Variants in KRT33B observed in about 807,000 individuals in gnomAD.
KRT33B encodes keratin 33B.
Under a neutral mutation model 42.7 loss-of-function variants are expected in KRT33B, and 37 were observed. The ratio of observed to expected loss-of-function variants is 0.87; its 90% CI spans 0.67 to 1.14. The LOEUF is 1.14. Among genes scored for constraint, KRT33B ranks in the 50% most tolerant of loss-of-function variants. KRT33B has a pLI of 0.00. For missense variants in KRT33B, 523 were observed against 515.1 expected, an observed-to-expected ratio of 1.02 and a Z score of -0.15; for synonymous variants, 237 against 221.2, an observed-to-expected ratio of 1.07 and a Z score of -0.63.
rs12450621 is a variant in KRT33B at position 41,369,498 on chromosome 17, C to T, written c.253G>A (p.Glu85Lys). The change falls in exon 1 of 7, where the codon GAG becomes AAG. Residue 85 changes from glutamate to lysine, a missense_variant. Coordinates refer to ENST00000251646, the MANE Select transcript of KRT33B (RefSeq NM_002279.5). The part of the protein sequence containing the change: ...RQLERDNAEL[E>K]NLIRERSQQQ... The stretch of plus-strand genomic sequence containing the variant: ...TGAGACCGCTCCCGGATGAGGTTCT[C>T]CAGCTCCGCGTTGTCCCGCTCCAGC... The T allele has an allele frequency of 0.054, 87,416 of 1,613,920 alleles. 2,657 individuals are homozygous for T. Among genetic ancestry groups the T allele is most frequent in the Middle Eastern group, 0.11 (680 of 6,054 alleles).
At position 41,369,553 on chromosome 17, in the gene KRT33B, G is replaced by A; in HGVS notation, c.198C>T (p.Arg66=). Residue 66 remains arginine, a synonymous_variant, in exon 1 of 7, where the codon CGC becomes CGT. Transcript: ENST00000251646. ...GCACCTTCTCCAGGTAGCTGGCCAG[G>A]CGGTCGTTCAGGAACTGCATAGTCT... The part of the protein sequence containing the change: ...EKETMQFLND[R]LASYLEKVRQ... 3.1e-6 allele frequency: 5 copies of A among 1,613,988 alleles called. No individual in the cohort carries two copies. The highest frequency in any genetic ancestry group is 1.1e-5 in the South Asian group (1 of 91,078).
At chr17:41,364,381 C>T (rs559819987) in intron 6 of KRT33B, among the ~76,000 whole-genome samples, 2 of 151,462 alleles carry the variant, frequency 1.3e-5, no homozygotes, top group South Asian at 4.1e-4. Flanking sequence ...ATAATGATTC[C>T]CACTCTGCCT....
intron 5 of KRT33B, 27 bp from the exon 6 acceptor site, chr17:41,365,026 A>G: frequency 6.2e-7 from 1 of 1,612,976 alleles, no homozygotes; most frequent in South Asian, 1.1e-5. Flanking sequence ...CAGGAATGTC[A>G]GAGAGCTGCT....
intron 2 of KRT33B, among the ~76,000 whole-genome samples, chr17:41,366,902 G>A (rs965502601): frequency 1.3e-5 from 2 of 151,286 alleles, no homozygotes; most frequent in East Asian, 3.8e-4. Flanking sequence ...ACTAAGCCCT[G>A]CTGCTTTTGC....
Position 41,366,471 on chromosome 17 carries a change from T to G in KRT33B, c.587A>C (p.Gln196Pro). ...ELLSLKQNHE[Q>P]EVNTLRCQLG... ...GATATTGGGGGCTGGGACTCTTACC[T>G]GCTCATGGTTCTGCTTGAGGGACAG... Residue 196 changes from glutamine (Q) to proline (P), a missense_variant and splice_region_variant, in exon 3 of 7, where the codon CAG becomes CCG. Coordinates refer to ENST00000251646, the MANE Select transcript of KRT33B (RefSeq NM_002279.5). The G allele has an allele frequency of 6.2e-7, 1 of 1,612,306 alleles. No homozygotes were observed. Among genetic ancestry groups the G allele is most frequent in the Non-Finnish European group, 8.5e-7 (1 of 1,180,022 alleles).
chr17:41,368,262 C>A (rs2017726540), intron 1 of KRT33B, among the ~76,000 whole-genome samples: 1 of 151,346 alleles, frequency 6.6e-6, no homozygotes, highest in Non-Finnish European at 1.5e-5. Flanking sequence ...GTTGGGTGAC[C>A]AACCATCCCA....
rs2017672604 is a variant in KRT33B at position 41,364,798 on chromosome 17, G to C, written c.1078C>G (p.Leu360Val). ...ECEINTYRSL[L>V]ESEDCKLPSN... ...ACTCACTTGCAGTCCTCGCTCTCCA[G>C]CAGGCTCCGGTATGTGTTGATCTCA... The change falls in exon 6 of 7, where the codon CTG becomes GTG. Residue 360 changes from leucine to valine, a missense_variant. Coordinates refer to ENST00000251646, the MANE Select transcript of KRT33B (RefSeq NM_002279.5). The C allele has an allele frequency of 6.2e-7, 1 of 1,612,692 alleles. No homozygotes were observed.
intron 1 of KRT33B, among the ~76,000 whole-genome samples, chr17:41,369,202 C>T (rs969992811): frequency 1.3e-5 from 2 of 151,348 alleles, no homozygotes; most frequent in Non-Finnish European, 2.9e-5. Context: ...TAATGCTTCA[C>T]TCTAACACCA....
intron 6 of KRT33B, 37 bp from the exon 7 acceptor site, chr17:41,363,990 G>C (rs772945985): frequency 7.0e-7 from 1 of 1,420,048 alleles, no homozygotes; most frequent in East Asian, 2.3e-5. Flanking sequence ...AGCATGAGAA[G>C]GGTGATTCAA....
At position 41,365,158 on chromosome 17, in the gene KRT33B, G is replaced by A. The variant is rs754832278; in HGVS notation, c.876+17C>T. ...CCAAGTTCCCATCGCTCACCAGCAG[G>A]TCTGAACAATACACACCAGGTTGTG... is the stretch of plus-strand genomic sequence containing the variant. On this transcript the variant is annotated intron_variant, in intron 5 of 6. Transcript: ENST00000251646. 11 of 1,611,496 alleles carry A rather than the reference G, an allele frequency of 6.8e-6. No individual in the cohort carries two copies. The highest frequency in any genetic ancestry group is 8.5e-6 in the Non-Finnish European group (10 of 1,179,896).
intron 2 of KRT33B, among the ~76,000 whole-genome samples, chr17:41,367,622 T>C (rs1170735893): frequency 6.6e-6 from 1 of 151,126 alleles, no homozygotes; most frequent in Non-Finnish European, 1.5e-5. Context: ...GAAAATCACT[T>C]GAATCCGGGA....
rs183691290 is a variant in KRT33B at position 41,367,575 on chromosome 17, A to G, written c.431+333T>C. 2.0e-5 allele frequency among the ~76,000 whole-genome samples: 3 copies of G among 151,328 alleles called. No individual in the cohort carries two copies. In the East Asian group the frequency reaches 5.8e-4, roughly 29 times the overall value. On this transcript the variant is annotated intron_variant, in intron 2 of 6. Coordinates refer to ENST00000251646, the MANE Select transcript of KRT33B (RefSeq NM_002279.5). ...AAAAATTAGCTGGGCCTGCTGGCGC[A>G]TGCCTGTAATCCCAGCTACGAGGAA...
Position 41,364,875 on chromosome 17 carries a change from C to T in KRT33B, c.1001G>A (p.Arg334Gln). The T allele has an allele frequency of 6.2e-6, 10 of 1,613,242 alleles. No homozygotes were observed. Among genetic ancestry groups the T allele is most frequent in the Non-Finnish European group, 7.6e-6 (9 of 1,180,028 alleles). Residue 334 changes from arginine (R) to glutamine (Q), a missense_variant, in exon 6 of 7, where the codon CGG becomes CAG. Arg to Gln is a conservative substitution (Grantham distance 43). Coordinates refer to ENST00000251646, the MANE Select transcript of KRT33B (RefSeq NM_002279.5). ...QLAEIRSDLE[R>Q]QNQEYQVLLD... ...CAGCACCTGATACTCCTGGTTCTGC[C>T]GCTCCAGGTCACTGCGGATCTCCGC... is the stretch of plus-strand genomic sequence containing the variant.
At chr17:41,365,640 T>C (rs140235582) in intron 3 of KRT33B, 87 bp from the exon 4 acceptor site, 12 of 1,494,746 alleles carry the variant, frequency 8.0e-6, no homozygotes, top group Non-Finnish European at 1.1e-5. Flanking sequence ...GGGAAGAGGA[T>C]TGCATTGCAG....
At chr17:41,366,716 A>G in intron 2 of KRT33B, 90 bp from the exon 3 acceptor site, 2 of 1,214,100 alleles carry the variant, frequency 1.6e-6, no homozygotes, top group Non-Finnish European at 2.3e-6. Context: ...CAATTTTATT[A>G]TATTTTGAAA....
At chr17:41,368,560 T>C (rs2017731876) in intron 1 of KRT33B, among the ~76,000 whole-genome samples, 1 of 151,334 alleles carries the variant, frequency 6.6e-6, no homozygotes, top group African/African-American at 2.5e-5. Context: ...TGTGAGCTCC[T>C]GAAGGAAGGA....
At chr17:41,365,725 C>A (rs2017692558) in intron 3 of KRT33B, among the ~76,000 whole-genome samples, 172 bp from the exon 4 acceptor site, 1 of 151,350 alleles carries the variant, frequency 6.6e-6, no homozygotes, top group Non-Finnish European at 1.5e-5. Context: ...CTTCCCTCAT[C>A]TGTATGATAC....
chr17:41,363,889 T>C lies in KRT33B; in HGVS notation c.1162A>G (p.Asn388Asp). ...CEKPIGSCVT[N>D]PCGPRSRCGP... ...CAGCGGGAACGAGGACCACAAGGAT[T>C]GGTGACACAGGATCCAATGGGCTTT... is the stretch of plus-strand genomic sequence containing the variant. The change falls in exon 7 of 7, where the codon AAT (asparagine) becomes GAT (aspartate). Residue 388 changes from asparagine (N) to aspartate (D), a missense_variant. Coordinates refer to ENST00000251646, the MANE Select transcript of KRT33B (RefSeq NM_002279.5). The C allele has an allele frequency of 1.2e-6, 2 of 1,611,860 alleles. No individual in the cohort carries two copies. Among genetic ancestry groups the C allele is most frequent in the Non-Finnish European group, 1.7e-6 (2 of 1,179,556 alleles).
rs747845383 is a variant in KRT33B, at chr17:41,369,601, G to A, written c.150C>T (p.Gly50=). 3.1e-6 allele frequency: 5 copies of A among 1,613,568 alleles called. No individual in the cohort carries two copies. The highest frequency in any genetic ancestry group is 4.5e-5 in the East Asian group (2 of 44,888). Residue 50 remains glycine, a synonymous_variant, in exon 1 of 7, where the codon GGC becomes GGT. Coordinates refer to ENST00000251646, the MANE Select transcript of KRT33B (RefSeq NM_002279.5). ...TCTCCTTCTCGCTGCCATTGAAGGA[G>A]CCCTCGCAGAACCAGTTGCAGTTGC... is the stretch of plus-strand genomic sequence containing the variant. ...NVSNCNWFCE[G]SFNGSEKETM... is the part of the protein sequence containing the mutation.
Sources: allele counts gnomAD v4.1 joint callset (sites outside exome capture counted in the v4.1 genomes callset), GRCh38; gene constraint gnomAD v4.1.1; transcripts MANE v1.5; gene names NCBI Gene and HGNC (gene_info 2026-07-23, HGNC 2026-07-21).